IRAG2: variants seen among roughly 807,000 people sequenced by gnomAD.
The protein encoded by IRAG2 is inositol 1,4,5-triphosphate receptor associated 2, also known as lymphoid restricted membrane protein.
In IRAG2, 45 loss-of-function variants were observed where a neutral mutation model predicts 69.9. That is an observed-to-expected ratio of 0.64 (90% CI 0.51 to 0.83). The LOEUF (loss-of-function observed/expected upper bound fraction) is 0.83, where lower values mean the gene tolerates loss of function less well. Ranked by LOEUF, IRAG2 falls within the 40% of genes least tolerant of loss-of-function variation. IRAG2 has a pLI of 0.00. For missense variants in IRAG2, 520 were observed against 587.0 expected (o/e 0.89, Z 1.18); for synonymous variants, 193 against 202.4 (o/e 0.95, Z 0.40).
chr12:25,023,575 A>G (rs1944599843), intron 7 of IRAG2, among the ~76,000 whole-genome samples: 1 of 152,226 alleles, frequency 6.6e-6, no homozygotes, highest in Admixed American at 6.5e-5. Context: ...ACTACCTGTC[A>G]TAAATGAAGT....
rs1409009608 is a variant in IRAG2 at position 25,103,829 on chromosome 12, T to C, written c.934-8T>C. On this transcript the variant is annotated splice_polypyrimidine_tract_variant and splice_region_variant and intron_variant, in intron 17 of 21. Coordinates refer to ENST00000556887, the MANE Select transcript of IRAG2 (RefSeq NM_001366544.2). ...TTTTCTAAATGTACATTTTCCTCCT[T>C]CTGGTAGCCATCTTCTCTACGAAGA... 2 of 1,603,628 alleles carry C rather than the reference T, an allele frequency of 1.2e-6. No homozygotes were observed. Among genetic ancestry groups the C allele is most frequent in the Non-Finnish European group, 1.7e-6 (2 of 1,171,618 alleles).
At chr12:25,027,187 A>C (rs1944628855) in intron 9 of IRAG2, among the ~76,000 whole-genome samples, 1 of 152,074 alleles carries the variant, frequency 6.6e-6, no homozygotes, top group South Asian at 2.1e-4. Flanking sequence ...CCCTGAAAGA[A>C]ATCCCTTTTA....
chr12:25,028,718 A>G (rs558575906), intron 9 of IRAG2, among the ~76,000 whole-genome samples: 2 of 152,276 alleles, frequency 1.3e-5, no homozygotes, highest in South Asian at 4.1e-4. Flanking sequence ...GGCTTATTTG[A>G]GAAATATTTT....
At chr12:25,009,488 C>T (rs1343149103) in intron 2 of IRAG2, among the ~76,000 whole-genome samples, 2 of 152,168 alleles carry the variant, frequency 1.3e-5, no homozygotes, top group Non-Finnish European at 2.9e-5. Context: ...AATAAGAAAG[C>T]TTCACTGATG....
Position 25,069,360 on chromosome 12 carries a change from C to G in IRAG2, c.-48C>G, listed in dbSNP as rs201002123. 6.4e-7 allele frequency: 1 copy of G among 1,568,026 alleles called. No homozygotes were observed. The highest frequency in any genetic ancestry group is 2.2e-5 in the East Asian group (1 of 44,640). ...ACTTCCTACTGCCAGGTGCCCAGGCCCCACAAGTGGCCCCAGCCCAGGAAC... is the reference window on the plus strand; with the variant it reads ...ACTTCCTACTGCCAGGTGCCCAGGCGCCACAAGTGGCCCCAGCCCAGGAAC... On this transcript the variant is annotated 5_prime_UTR_variant, in exon 6 of 22. Coordinates refer to ENST00000556887, the MANE Select transcript of IRAG2 (RefSeq NM_001366544.2).
At chr12:25,080,371 A>C (rs1274484432) in intron 9 of IRAG2, among the ~76,000 whole-genome samples, 1 of 114,354 alleles carries the variant, frequency 8.7e-6, no homozygotes, top group Non-Finnish European at 1.8e-5. Context: ...TTTTTTTTTG[A>C]GACGGAGTCT....
At chr12:25,104,119 A>G in intron 19 of IRAG2, 61 bp downstream of exon 19, 1 of 1,368,480 alleles carries the variant, frequency 7.3e-7, no homozygotes, top group Non-Finnish European at 1.0e-6. Flanking sequence ...GGGCTAACCT[A>G]AATGAGTGCT....
intron 20 of IRAG2, among the ~76,000 whole-genome samples, chr12:25,106,402 A>G: frequency 7.4e-6 from 1 of 134,970 alleles, no homozygotes; most frequent in East Asian, 2.5e-4. Flanking sequence ...TATATATTAT[A>G]AACTTTGTAT....
rs1473817633 is a variant in IRAG2, at chr12:25,017,312, A to G, written c.1214+20A>G. ...AAAAAGGTGAGCCACAGTGGGGTCC[A>G]GTGTGCGGGGAACTTTCATTTCTTT... On this transcript the variant is annotated intron_variant, in intron 6 of 38. Coordinates refer to the IRAG2 transcript ENST00000636465. 14 of 1,231,964 alleles carry G rather than the reference A, an allele frequency of 1.1e-5. No homozygotes were observed. The Admixed American group carries it at 3.0e-4, about 26-fold the overall frequency. The allele number at this position is 1,231,964 out of a possible 1,614,324, so 76.3% of individuals were successfully genotyped here.
At chr12:25,032,014 T>C in intron 10 of IRAG2, 1 of 394,602 alleles carries the variant, frequency 2.5e-6, no homozygotes. Context: ...TTTCAAATAG[T>C]GAGACTGGTA....
At chr12:25,070,606 T>G (rs1214809783) in intron 6 of IRAG2, among the ~76,000 whole-genome samples, 1 of 152,214 alleles carries the variant, frequency 6.6e-6, no homozygotes, top group African/African-American at 2.4e-5. Flanking sequence ...TGAGCATCAG[T>G]GTATTGGTTT....
In IRAG2 at chr12:25,108,182, G is replaced by GATT; in HGVS notation, c.*124_*125insTAT. 1 of 1,108,954 alleles carries GATT rather than the reference G, an allele frequency of 9.0e-7. No homozygotes were observed. Among genetic ancestry groups the GATT allele is most frequent in the Non-Finnish European group, 1.3e-6 (1 of 784,826 alleles). The allele number at this position is 1,108,954 out of a possible 1,614,324, so 68.7% of individuals were successfully genotyped here. ...CCAGAGGTTCTCAGAATGACTGTAA[G>GATT]ATAGCTTACATTTCCTCTTTTTGCC... On this transcript the variant is annotated 3_prime_UTR_variant, in exon 22 of 22. Transcript: ENST00000556887.
intron 9 of IRAG2, among the ~76,000 whole-genome samples, chr12:25,081,757 A>G (rs1947226977): frequency 6.6e-6 from 1 of 152,254 alleles, no homozygotes; most frequent in African/African-American, 2.4e-5. Context: ...GTAATAGAAT[A>G]CTAATATGCA....
At chr12:25,106,731 T>C in intron 20 of IRAG2, among the ~76,000 whole-genome samples, 1 of 96,634 alleles carries the variant, frequency 1.0e-5, no homozygotes. Flanking sequence ...TTTTTCTAAA[T>C]AGAAGAACTT....
chr12:25,015,357 G>A, exon 5 of IRAG2: 10 of 1,231,902 alleles, frequency 8.1e-6, no homozygotes, highest in Non-Finnish European at 1.0e-5. Flanking sequence ...CAGTGAAGAT[G>A]AGCACAGATA....
chr12:25,015,340 T>C (rs747751935), intron 4 of IRAG2: 8 of 1,231,730 alleles, frequency 6.5e-6, no homozygotes, highest in African/African-American at 1.6e-5. Flanking sequence ...AACTCTTGTA[T>C]GTGTTTCAGT....
At chr12:25,050,523 G>A (rs1183104537), upstream of IRAG2, among the ~76,000 whole-genome samples, 3 of 97,012 alleles carry the variant, frequency 3.1e-5, no homozygotes, top group African/African-American at 9.7e-5. Context: ...GCGAGACTCC[G>A]TCTCAAAAAA....
At chr12:25,024,595 A>G (rs922095276) in intron 8 of IRAG2, among the ~76,000 whole-genome samples, 1 of 152,236 alleles carries the variant, frequency 6.6e-6, no homozygotes, top group Admixed American at 6.5e-5. Context: ...GCCAGTTTTT[A>G]AATTTTGCTT....
At chr12:25,090,920 G>C in intron 14 of IRAG2, 1 of 444,386 alleles carries the variant, frequency 2.3e-6, no homozygotes, top group South Asian at 1.6e-5. Flanking sequence ...TGAGGAAAGA[G>C]AATGGTAACT....
Sources: allele counts gnomAD v4.1 joint callset (sites outside exome capture counted in the v4.1 genomes callset), GRCh38; gene constraint gnomAD v4.1.1; transcripts MANE v1.5; gene names NCBI Gene and HGNC (gene_info 2026-07-23, HGNC 2026-07-21).